MED17: variants seen among roughly 807,000 people sequenced by gnomAD.
MED17 encodes the protein mediator of RNA polymerase II transcription subunit 17.
MED17 carries 49 observed loss-of-function variants against 80.8 expected under a neutral mutation model. That is an observed-to-expected ratio of 0.61 (90% CI 0.48 to 0.77). The LOEUF (loss-of-function observed/expected upper bound fraction) is 0.77, where lower values mean the gene tolerates loss of function less well. MED17 is among the 30% of genes least tolerant of loss of function. MED17 has a pLI of 0.00. For missense variants in MED17, 718 were observed against 787.0 expected, an observed-to-expected ratio of 0.91 and a Z score of 1.05; for synonymous variants, 281 against 280.4, an observed-to-expected ratio of 1.00 and a Z score of -0.02.
At position 93,784,580 on chromosome 11, in the gene MED17, G is replaced by A. The variant is rs1565286762; in HGVS notation, c.67G>A (p.Gly23Ser). 1 of 1,611,224 alleles carries A rather than the reference G, an allele frequency of 6.2e-7. No individual in the cohort carries two copies. Among genetic ancestry groups the A allele is most frequent in the Non-Finnish European group, 8.5e-7 (1 of 1,179,412 alleles). ...CTGCGAGAAGCAGGTCCATGAGGTG[G>A]GCCTGGATGGCACCGAGACGTACCT... Reference protein sequence around the residue: ...SACEKQVHEVGLDGTETYLPP... With the variant: ...SACEKQVHEVSLDGTETYLPP... Residue 23 changes from glycine (G) to serine (S), a missense_variant, in exon 1 of 12, where the codon GGC becomes AGC. Transcript: ENST00000251871.
intron 8 of MED17, chr11:93,801,393 T>C (rs780727064): frequency 2.9e-4 from 46 of 159,994 alleles, no homozygotes; most frequent in Non-Finnish European, 5.3e-4. Flanking sequence ...TTGAATATGA[T>C]TATAATTTCA....
intron 11 of MED17, chr11:93,810,264 G>A (rs1259471890): frequency 1.3e-5 from 2 of 159,048 alleles, no homozygotes; most frequent in African/African-American, 2.4e-5. Flanking sequence ...CTAATGCAAG[G>A]TACTACTTTT....
rs1943745126 is a variant in MED17 at position 93,784,428 on chromosome 11, C to T, written c.-86C>T. 2 of 1,495,032 alleles carry T rather than the reference C, an allele frequency of 1.3e-6. No individual in the cohort carries two copies. Among genetic ancestry groups the T allele is most frequent in the African/African-American group, 2.8e-5 (2 of 72,180 alleles). The allele number at this position is 1,495,032 out of a possible 1,614,324, so 92.6% of individuals were successfully genotyped here. A position where few individuals can be genotyped will look rare whatever the true frequency, so the allele number is the denominator to read the frequency against. On this transcript the variant is annotated 5_prime_UTR_variant, in exon 1 of 12. Coordinates refer to ENST00000251871, the MANE Select transcript of MED17 (RefSeq NM_004268.5). Reference sequence around the variant, plus strand: ...CACCGCGGCTGCGGGCTTCTGAGTTCCCGGCTCTCCGCAGGGAAGCCTCCT... The same window carrying T: ...CACCGCGGCTGCGGGCTTCTGAGTTTCCGGCTCTCCGCAGGGAAGCCTCCT...
intron 8 of MED17, 95 bp downstream of exon 8, chr11:93,797,814 CT>C: frequency 1.7e-6 from 2 of 1,202,918 alleles, no homozygotes; most frequent in Non-Finnish European, 1.2e-6. Flanking sequence ...ATGCTTTTGA[CT>C]TTTTTATTTT....
intron 10 of MED17, chr11:93,808,331 T>C (rs1268609364): frequency 6.9e-6 from 1 of 144,064 alleles, no homozygotes; most frequent in Non-Finnish European, 1.5e-5. Flanking sequence ...CCCACTGTAC[T>C]TCAGCCCAGG....
At chr11:93,789,557 A>G (rs932893664) in intron 2 of MED17, 3 of 152,222 alleles carry the variant, frequency 2.0e-5, no homozygotes, top group Admixed American at 6.5e-5. Flanking sequence ...ACTGTATTAA[A>G]CTGGTTAGTA....
chr11:93,788,408 G>A (rs542257005), intron 2 of MED17: 6 of 376,616 alleles, frequency 1.6e-5, no homozygotes, highest in African/African-American at 8.4e-5. Flanking sequence ...AAGGCCAGGC[G>A]TGGTGGCTCA....
intron 6 of MED17, chr11:93,795,562 A>T (rs1310284821): frequency 7.1e-5 from 1 of 14,156 alleles, no homozygotes; most frequent in South Asian, 6.3e-3. Context: ...AAACAAATTA[A>T]AAAAAAAAAA....
At chr11:93,797,762 A>G in intron 8 of MED17, 43 bp downstream of exon 8, 1 of 1,544,516 alleles carries the variant, frequency 6.5e-7, no homozygotes, top group East Asian at 2.2e-5. Flanking sequence ...TTTCTTTGAA[A>G]TTGCAGTGTT....
In MED17 at chr11:93,801,427, G is replaced by T. The variant is rs1943960849; in HGVS notation, c.1329-408G>T. Reference sequence around the variant, plus strand: ...CATTACAGTAATGGGTCTAGATGTGGGTGTGTCCCAAGTCATTTGTTACCA... The same window carrying T: ...CATTACAGTAATGGGTCTAGATGTGTGTGTGTCCCAAGTCATTTGTTACCA... On this transcript the variant is annotated intron_variant, in intron 8 of 11. Coordinates refer to ENST00000251871, the MANE Select transcript of MED17 (RefSeq NM_004268.5). 12 of 208,632 alleles carry T rather than the reference G, an allele frequency of 5.8e-5. 1 individual carries two copies. In the South Asian group the frequency reaches 9.9e-4, roughly 17 times the overall value. 12.9% of individuals were successfully genotyped at this position (208,632 alleles called of 1,614,324 possible).
chr11:93,800,764 G>A (rs549188357), intron 8 of MED17: 12 of 152,192 alleles, frequency 7.9e-5, no homozygotes, highest in Admixed American at 7.2e-4. Context: ...AGTCTTTTGA[G>A]TAGCAGGGAC....
At chr11:93,796,582 T>A in intron 7 of MED17, 42 bp downstream of exon 7, 1 of 1,609,590 alleles carries the variant, frequency 6.2e-7, no homozygotes, top group East Asian at 2.2e-5. Flanking sequence ...GGTGAGTATG[T>A]CCAGGGCAGT....
At chr11:93,784,932 A>G (rs1290951063) in intron 1 of MED17, 169 bp downstream of exon 1, 18 of 979,496 alleles carry the variant, frequency 1.8e-5, no homozygotes, top group Admixed American at 2.7e-5. Flanking sequence ...CTGCCGGACA[A>G]GGTAGGACAC....
intron 6 of MED17, chr11:93,795,325 T>C (rs746188585): frequency 1.2e-5 from 6 of 499,490 alleles, no homozygotes; most frequent in Non-Finnish European, 2.2e-5. Flanking sequence ...GAAAAGAAAA[T>C]TTGCACTAGC....
rs756793715 is a variant in MED17 at position 93,809,760 on chromosome 11, TTATGGGC to T, written c.1630_1636del (p.Met544GlyfsTer4). On this transcript the variant is annotated frameshift_variant, in exon 11 of 12. Coordinates refer to ENST00000251871, the MANE Select transcript of MED17 (RefSeq NM_004268.5). LOFTEE classifies it high-confidence loss of function. ...CATGCAGTTCAGCAACTCGCCAAGG[TTATGGGC>T]TGGCAAGTACTGAGCTTCAGTAATC... is the stretch of plus-strand genomic sequence containing the variant. 1 of 1,614,096 alleles carries T rather than the reference TTATGGGC, an allele frequency of 6.2e-7. No homozygotes were observed. Among genetic ancestry groups the T allele is most frequent in the South Asian group, 1.1e-5 (1 of 91,062 alleles).
At chr11:93,805,890 G>A (rs1181659318) in intron 9 of MED17, among the ~76,000 whole-genome samples, 3 of 151,462 alleles carry the variant, frequency 2.0e-5, no homozygotes, top group Non-Finnish European at 4.4e-5. Context: ...CTCAACGTCA[G>A]GATTTCAAGG....
chr11:93,785,284 A>G (rs1274348883), intron 1 of MED17, among the ~76,000 whole-genome samples: 1 of 152,218 alleles, frequency 6.6e-6, no homozygotes, highest in Non-Finnish European at 1.5e-5. Flanking sequence ...GACCACTGAA[A>G]GCTTTTGCAG....
intron 5 of MED17, 102 bp downstream of exon 5, chr11:93,794,137 T>C (rs924107503): frequency 1.1e-6 from 1 of 935,622 alleles, no homozygotes; most frequent in Non-Finnish European, 1.7e-6. Flanking sequence ...TAGTTTGAAG[T>C]AAGAACAATT....
intron 10 of MED17, chr11:93,808,858 G>C (rs567053509): frequency 6.6e-6 from 1 of 152,532 alleles, no homozygotes; most frequent in East Asian, 1.9e-4. Flanking sequence ...TCAAAGCTAG[G>C]TATGAGAACC....
Sources: allele counts gnomAD v4.1 joint callset (sites outside exome capture counted in the v4.1 genomes callset), GRCh38; gene constraint gnomAD v4.1.1; transcripts MANE v1.5; gene names NCBI Gene and HGNC (gene_info 2026-07-23, HGNC 2026-07-21).